Variants in COPB1 observed in about 807,000 individuals in gnomAD.
COPB1 encodes coatomer subunit beta.
In COPB1, 21 loss-of-function variants were observed where a neutral mutation model predicts 108.7. That is an observed-to-expected ratio of 0.19 (90% CI 0.14 to 0.28). COPB1 has a LOEUF of 0.28. Among genes scored for constraint, COPB1 ranks in the 10% least tolerant of loss-of-function variants. COPB1 has a pLI of 1.00. For synonymous variants in COPB1, 378 were observed against 386.8 expected, an observed-to-expected ratio of 0.98 and a Z score of 0.27; for missense variants, 919 against 1,141.3, an observed-to-expected ratio of 0.81 and a Z score of 2.81.
chr11:14,476,016 A>T, intron 12 of COPB1, 71 bp from the exon 13 acceptor site: 1 of 1,356,066 alleles, frequency 7.4e-7, no homozygotes, highest in South Asian at 1.5e-5. Flanking sequence ...TAAATATTTG[A>T]TTGTTTCTCT....
At chr11:14,488,335 C>G (rs1162377773) in intron 6 of COPB1, among the ~76,000 whole-genome samples, 157 bp downstream of exon 6, 2 of 152,064 alleles carry the variant, frequency 1.3e-5, no homozygotes, top group East Asian at 3.9e-4. Context: ...TACAATAAAC[C>G]AAAAGTAAAA....
chr11:14,462,233 CTTTTT>C (rs928263474), intron 18 of COPB1, among the ~76,000 whole-genome samples: 2 of 134,196 alleles, frequency 1.5e-5, no homozygotes, highest in African/African-American at 5.4e-5. Flanking sequence ...CTTTTCTTTT[CTTTTT>C]TTTTTTTTTT....
In COPB1 at chr11:14,493,761, A is replaced by C. The variant is rs1229270572; in HGVS notation, c.372T>G (p.Leu124=). 1.2e-6 allele frequency: 2 copies of C among 1,613,056 alleles called. No individual in the cohort carries two copies. The highest frequency in any genetic ancestry group is 8.5e-7 in the Non-Finnish European group (1 of 1,179,622). The change falls in exon 4 of 22, where the codon CTT becomes CTG. Residue 124 remains leucine (L), a synonymous_variant. Transcript: ENST00000439561. ...EFIRGSTLRF[L]CKLKEAELLE... is the part of the protein sequence containing the mutation. ...GCAATTCTGCTTCTTTCAATTTGCA[A>C]AGAAAACGAAGAGTAGATCCTCGAA...
intron 17 of COPB1, 64 bp from the exon 18 acceptor site, chr11:14,465,094 C>G (rs1366588077): frequency 1.4e-6 from 2 of 1,439,522 alleles, no homozygotes; most frequent in South Asian, 1.3e-5. Context: ...CACACACACA[C>G]ACACACACAC....
rs976909569 is a variant in COPB1, at chr11:14,461,314, C to T, written c.2428G>A (p.Ala810Thr). 8.1e-6 allele frequency: 13 copies of T among 1,613,864 alleles called. No individual in the cohort carries two copies. The highest frequency in any genetic ancestry group is 1.1e-5 in the Non-Finnish European group (13 of 1,179,992). The change falls in exon 19 of 22, where the codon GCA becomes ACA. Residue 810 changes from alanine (A) to threonine (T), a missense_variant. This residue lies in a region of COPB1 where 705 missense variants were observed against 817.8 expected (regional missense o/e 0.86). Coordinates refer to ENST00000439561, the MANE Select transcript of COPB1 (RefSeq NM_001144061.2). The stretch of plus-strand genomic sequence containing the variant: ...ACCACACAATTTCTGTCACTTGCTG[C>T]TCCAGAGACATCATAAACTGCAATT... The part of the protein sequence containing the change: ...FGNIVYDVSG[A>T]ASDRNCVVLS...
chr11:14,473,674 A>G (rs1055003589), intron 14 of COPB1, among the ~76,000 whole-genome samples: 13 of 152,216 alleles, frequency 8.5e-5, no homozygotes, highest in African/African-American at 3.1e-4. Context: ...ATTAAAGATC[A>G]CTGATAACAG....
In COPB1 at chr11:14,458,525, C is replaced by T. The variant is rs772438069; in HGVS notation, c.2802+7G>A. On this transcript the variant is annotated splice_region_variant and intron_variant, in intron 21 of 21. Coordinates refer to ENST00000439561, the MANE Select transcript of COPB1 (RefSeq NM_001144061.2). ...AGAGATACTCTCAAAAAAAAAGGAACTGTTACCTGGCTCTTTGCACGAATT... is the reference window on the plus strand; with the variant it reads ...AGAGATACTCTCAAAAAAAAAGGAATTGTTACCTGGCTCTTTGCACGAATT... 1 of 1,601,202 alleles carries T rather than the reference C, an allele frequency of 6.2e-7. No homozygotes were observed. Among genetic ancestry groups the T allele is most frequent in the South Asian group, 1.1e-5 (1 of 88,256 alleles).
At chr11:14,477,077 CT>C in intron 11 of COPB1, 62 bp from the exon 12 acceptor site, 1 of 1,167,244 alleles carries the variant, frequency 8.6e-7, no homozygotes, top group East Asian at 2.4e-5. Context: ...AGAGATCTTT[CT>C]TTGTTAATTT....
chr11:14,459,518 T>C (rs1483670531), intron 20 of COPB1, among the ~76,000 whole-genome samples: 1 of 152,176 alleles, frequency 6.6e-6, no homozygotes, highest in Non-Finnish European at 1.5e-5. Context: ...AGTCACAGTA[T>C]AACAACGATT....
intron 14 of COPB1, chr11:14,473,948 T>TTTTACTGTTTATCA (rs1189426752): frequency 1.3e-5 from 2 of 152,260 alleles, no homozygotes; most frequent in Non-Finnish European, 2.9e-5. Context: ...TTCTATTATT[T>TTTTACTGTTTATCA]TTTACTGTTT....
At chr11:14,485,622 G>T (rs940706971) in intron 7 of COPB1, among the ~76,000 whole-genome samples, 5 of 152,154 alleles carry the variant, frequency 3.3e-5, no homozygotes, top group African/African-American at 1.2e-4. Flanking sequence ...CGAGGTTAGC[G>T]GATCACTTGA....
Position 14,483,138 on chromosome 11 carries a change from C to A in COPB1, c.851G>T (p.Cys284Phe). 1 of 1,562,882 alleles carries A rather than the reference C, an allele frequency of 6.4e-7. No individual in the cohort carries two copies. Among genetic ancestry groups the A allele is most frequent in the Non-Finnish European group, 8.7e-7 (1 of 1,145,378 alleles). Residue 284 changes from cysteine to phenylalanine, a missense_variant, in exon 8 of 22, where the codon TGT becomes TTT. Physicochemically the swap from Cys to Phe is radical, Grantham distance 205. Coordinates refer to ENST00000439561, the MANE Select transcript of COPB1 (RefSeq NM_001144061.2). ...CTCCTTAATAATTAAATCAATGTAACACTGAGCAGCAGCCTATATAAAAAA... is the reference window on the plus strand; with the variant it reads ...CTCCTTAATAATTAAATCAATGTAAAACTGAGCAGCAGCCTATATAAAAAA... ...APTAIKAAAQ[C>F]YIDLIIKESD...
rs559842736 is a variant in COPB1 at position 14,479,639 on chromosome 11, G to A, written c.1288C>T (p.Arg430Cys). The change falls in exon 11 of 22, where the codon CGC (arginine) becomes TGC (cysteine). Residue 430 changes from arginine (R) to cysteine (C), a missense_variant. This residue lies in a region of COPB1 where 705 missense variants were observed against 817.8 expected (regional missense o/e 0.86). Transcript: ENST00000439561. ...ATAAGCATTCTCAGGTTATCAAAGC[G>A]CTGAATGGCTTCACGAACAAACTCC... is the stretch of plus-strand genomic sequence containing the variant. ...VLEFVREAIQ[R>C]FDNLRMLIVE... The A allele has an allele frequency of 5.4e-5, 87 of 1,612,824 alleles. 1 individual carries two copies. The South Asian group carries it at 8.0e-4, about 15-fold the overall frequency.
intron 19 of COPB1, 56 bp downstream of exon 19, chr11:14,461,130 C>T: frequency 1.1e-5 from 17 of 1,607,038 alleles, no homozygotes; most frequent in Middle Eastern, 1.7e-4. Flanking sequence ...GACTCCTCAA[C>T]AGCAGGCAAA....
At chr11:14,496,934 C>T (rs1296033093) in intron 2 of COPB1, among the ~76,000 whole-genome samples, 1 of 152,128 alleles carries the variant, frequency 6.6e-6, no homozygotes, top group Admixed American at 6.6e-5. Flanking sequence ...GTGCCAAGAA[C>T]ATACATTGGA....
chr11:14,470,944 A>ACACACACACACTCTCT (rs1285522756), intron 14 of COPB1, among the ~76,000 whole-genome samples: 10 of 90,154 alleles, frequency 1.1e-4, no homozygotes, highest in African/African-American at 5.2e-4. Context: ...ACACACACAC[A>ACACACACACACTCTCT]CTCTCTCTCT....
chr11:14,499,062 T>C, intron 1 of COPB1, 77 bp from the exon 2 acceptor site: 1 of 697,200 alleles, frequency 1.4e-6, no homozygotes, highest in Non-Finnish European at 2.3e-6. Context: ...AGTGACCTTT[T>C]AAAGTATTAG....
chr11:14,466,574 A>G (rs540542438), intron 16 of COPB1, 148 bp from the exon 17 acceptor site: 2 of 732,230 alleles, frequency 2.7e-6, no homozygotes, highest in African/African-American at 3.5e-5. Context: ...TTTATAATGC[A>G]GAAATGGAAA....
intron 18 of COPB1, among the ~76,000 whole-genome samples, chr11:14,462,986 T>C (rs1158392155): frequency 6.6e-6 from 1 of 152,156 alleles, no homozygotes; most frequent in African/African-American, 2.4e-5. Context: ...TCGTATTTAG[T>C]CTTCAACCCA....
Sources: allele counts gnomAD v4.1 joint callset (sites outside exome capture counted in the v4.1 genomes callset), GRCh38; gene constraint gnomAD v4.1.1; regional missense constraint gnomAD v4.1.1; transcripts MANE v1.5; gene names NCBI Gene and HGNC (gene_info 2026-07-23, HGNC 2026-07-21).